Variants in GNG8 observed in about 807,000 individuals in gnomAD.
The protein encoded by GNG8 is guanine nucleotide-binding protein G(I)/G(S)/G(O) subunit gamma-8.
GNG8 carries 3 observed loss-of-function variants against 4.6 expected under a neutral mutation model. The ratio of observed to expected loss-of-function variants is 0.65; its 90% CI spans 0.29 to 1.67. GNG8 has a LOEUF of 1.67. GNG8 is among the 40% of genes most tolerant of loss of function. GNG8 has a pLI of 0.10. For missense variants in GNG8, 88 were observed against 95.2 expected (o/e 0.92, Z 0.32); for synonymous variants, 32 against 40.5 (o/e 0.79, Z 0.80).
At chr19:46,638,339 G>A (rs1419585665), upstream of GNG8, 1 of 152,934 alleles carries the variant, frequency 6.5e-6, no homozygotes, top group Non-Finnish European at 1.5e-5. The surrounding 1 kb of genome is among the most constrained non-coding windows in gnomAD (Gnocchi z 4.7). Context: ...GTCTCTCCTT[G>A]TCGCACATAA....
chr19:46,636,376 C>T (rs974592387), upstream of GNG8, among the ~76,000 whole-genome samples: 1 of 152,154 alleles, frequency 6.6e-6, no homozygotes, highest in East Asian at 1.9e-4. Context: ...CCGCTGCTGT[C>T]CTATTGTGTG....
intron 1 of GNG8, among the ~76,000 whole-genome samples, chr19:46,634,955 C>T (rs1486033236): frequency 6.6e-6 from 1 of 151,678 alleles, no homozygotes; most frequent in Non-Finnish European, 1.5e-5. Flanking sequence ...GAAGGAGGGG[C>T]GCACAGATGG....
At chr19:46,635,392 A>T (rs1399507561) in intron 1 of GNG8, among the ~76,000 whole-genome samples, 1 of 144,800 alleles carries the variant, frequency 6.9e-6, no homozygotes, top group Non-Finnish European at 1.5e-5. Flanking sequence ...AGAGAGAGGG[A>T]GAGACTGGGG....
At chr19:46,634,392 T>G (rs1205076004) in intron 2 of GNG8, among the ~76,000 whole-genome samples, 188 bp from the exon 3 acceptor site, 1 of 50,690 alleles carries the variant, frequency 2.0e-5, no homozygotes, top group African/African-American at 7.6e-5. Context: ...TCCTGGCCCC[T>G]CCCCTGCCCC....
rs201179851 is a variant in GNG8 at position 46,634,218 on chromosome 19, G to A, written c.85-14C>T. 2.2e-5 allele frequency: 35 copies of A among 1,597,048 alleles called. No homozygotes were observed. The highest frequency in any genetic ancestry group is 3.0e-5 in the Non-Finnish European group (35 of 1,172,146). ...TGCCTGCGACACCTGCGAGCACCCG[G>A]GTGGAGATGTCACCGCCCTGCCCGG... is the stretch of plus-strand genomic sequence containing the variant. On this transcript the variant is annotated splice_polypyrimidine_tract_variant and intron_variant, in intron 2 of 2. Coordinates refer to ENST00000693335, the MANE Select transcript of GNG8 (RefSeq NM_033258.2).
rs2052845368 is a variant in GNG8, at chr19:46,634,090, A to C, written c.199T>G (p.Cys67Gly). 4 of 1,613,660 alleles carry C rather than the reference A, an allele frequency of 2.5e-6. No individual in the cohort carries two copies. Among genetic ancestry groups the C allele is most frequent in the Non-Finnish European group, 3.4e-6 (4 of 1,179,884 alleles). ...GTCCGGAGGGCTCAGAGCAGAACAC[A>C]AAAGAGGCGCTTGTCGCGGAAGGGG... ...ENPFRDKRLF[C>G]VLL is the part of the protein sequence containing the mutation. Residue 67 changes from cysteine to glycine, a missense_variant, in exon 3 of 3, where the codon TGT becomes GGT. Physicochemically the swap from Cys to Gly is radical, Grantham distance 159. Coordinates refer to ENST00000693335, the MANE Select transcript of GNG8 (RefSeq NM_033258.2).
At chr19:46,635,473 G>A (rs574750174) in intron 1 of GNG8, among the ~76,000 whole-genome samples, 1 of 116,284 alleles carries the variant, frequency 8.6e-6, no homozygotes, top group South Asian at 3.2e-4. Flanking sequence ...GGTGATACAA[G>A]GCGACAGGCA....
At position 46,634,146 on chromosome 19, in the gene GNG8, G is replaced by A; in HGVS notation, c.143C>T (p.Pro48Leu). 1 of 1,613,654 alleles carries A rather than the reference G, an allele frequency of 6.2e-7. No individual in the cohort carries two copies. The highest frequency in any genetic ancestry group is 1.1e-5 in the South Asian group (1 of 91,074). Residue 48 changes from proline (P) to leucine (L), a missense_variant, in exon 3 of 3, where the codon CCG (proline) becomes CTG (leucine). By Grantham distance (98) the Pro-to-Leu change is moderately conservative (BLOSUM62 -3). Transcript: ENST00000693335. ...CGCGGCGGGTACTGGCGTCACCAGC[G>A]GGTCATCTTTGGCATGCGTCTCGCA... ...AFCETHAKDD[P>L]LVTPVPAAEN...
At chr19:46,634,298 C>G (rs1187430450) in intron 2 of GNG8, 94 bp from the exon 3 acceptor site, 3 of 1,416,458 alleles carry the variant, frequency 2.1e-6, no homozygotes, top group Middle Eastern at 2.5e-4. Context: ...CTCCTCCCAC[C>G]TTGCCCCGCC....
upstream of GNG8, chr19:46,638,731 C>G (rs2052883768): frequency 6.6e-6 from 1 of 152,458 alleles, no homozygotes; most frequent in Admixed American, 6.5e-5. The surrounding 1 kb of genome is among the most constrained non-coding windows in gnomAD (Gnocchi z 4.7). Context: ...CACATGAGGG[C>G]GCGCGCAGCA....
At chr19:46,638,375 ACT>A (rs1225809490), upstream of GNG8, 1 of 152,676 alleles carries the variant, frequency 6.5e-6, no homozygotes, top group Non-Finnish European at 1.5e-5. The surrounding 1 kb of genome is among the most constrained non-coding windows in gnomAD (Gnocchi z 4.7). Flanking sequence ...TCACACACAG[ACT>A]CCCAGCACCA....
chr19:46,634,524 C>G (rs1767869895), intron 2 of GNG8, 75 bp downstream of exon 2: 7 of 1,379,342 alleles, frequency 5.1e-6, no homozygotes, highest in Non-Finnish European at 7.1e-6. Context: ...ACTATGGCTC[C>G]GAGCCGGGCC....
At chr19:46,634,905 C>T (rs2052855234) in intron 1 of GNG8, among the ~76,000 whole-genome samples, 180 bp from the exon 2 acceptor site, 2 of 151,088 alleles carry the variant, frequency 1.3e-5, no homozygotes, top group African/African-American at 4.9e-5. Context: ...ATGGAGGTAG[C>T]TAAGGCAGGT....
Position 46,634,729 on chromosome 19 carries a change from T to C in GNG8, c.-43-4A>G. 1 of 1,503,534 alleles carries C rather than the reference T, an allele frequency of 6.7e-7. No homozygotes were observed. The highest frequency in any genetic ancestry group is 1.4e-5 in the African/African-American group (1 of 71,394). The allele number at this position is 1,503,534 out of a possible 1,614,324, so 93.1% of individuals were successfully genotyped here. ...AAAAGACGCGCGGGAGTGGGGGCTGTGGGGGTAGGTTAGGATACGTCTGGG... is the reference window on the plus strand; with the variant it reads ...AAAAGACGCGCGGGAGTGGGGGCTGCGGGGGTAGGTTAGGATACGTCTGGG... On this transcript the variant is annotated splice_region_variant and splice_polypyrimidine_tract_variant and intron_variant, in intron 1 of 2. Transcript: ENST00000693335.
chr19:46,634,727 T>G lies in GNG8; in HGVS notation c.-43-2A>C. ...TTAAAAGACGCGCGGGAGTGGGGGCTGTGGGGGTAGGTTAGGATACGTCTG... is the reference window on the plus strand; with the variant it reads ...TTAAAAGACGCGCGGGAGTGGGGGCGGTGGGGGTAGGTTAGGATACGTCTG... On this transcript the variant is annotated splice_acceptor_variant, in intron 1 of 2. Transcript: ENST00000693335. LOFTEE classifies it low-confidence loss of function (5UTR_SPLICE). 6.6e-7 allele frequency: 1 copy of G among 1,522,066 alleles called. No homozygotes were observed. The highest frequency in any genetic ancestry group is 1.7e-5 in the Admixed American group (1 of 59,078). The allele number at this position is 1,522,066 out of a possible 1,614,324, so 94.3% of individuals were successfully genotyped here.
upstream of GNG8, chr19:46,638,790 A>C (rs564353599): frequency 6.5e-6 from 1 of 152,840 alleles, no homozygotes; most frequent in East Asian, 1.9e-4. The surrounding 1 kb of genome is among the most constrained non-coding windows in gnomAD (Gnocchi z 4.7). Flanking sequence ...GGAGGTGGCC[A>C]CAGGGAGGAG....
chr19:46,638,280 TCA>T (rs201665124), upstream of GNG8: 3 of 152,832 alleles, frequency 2.0e-5, no homozygotes, highest in Non-Finnish European at 2.9e-5. The surrounding 1 kb of genome is among the most constrained non-coding windows in gnomAD (Gnocchi z 4.7). Context: ...AATCTCAGTG[TCA>T]CACACAGTCA....
chr19:46,634,554 C>G (rs1394489338), intron 2 of GNG8, 45 bp downstream of exon 2: 1 of 1,545,810 alleles, frequency 6.5e-7, no homozygotes, highest in Middle Eastern at 1.9e-4. Context: ...CCGGACAGAC[C>G]GCAGGCCCAG....
chr19:46,635,199 C>T (rs1019446110), intron 1 of GNG8, among the ~76,000 whole-genome samples: 1 of 151,892 alleles, frequency 6.6e-6, no homozygotes, highest in South Asian at 2.1e-4. Context: ...CACCCTAGCC[C>T]TGGTCACCTC....
Sources: gnomAD v4.1 joint callset for allele counts (sites outside exome capture counted in the v4.1 genomes callset) on GRCh38, gnomAD v4.1.1 for gene constraint, Gnocchi (gnomAD v3.1) non-coding constraint, MANE v1.5 for transcripts, NCBI Gene and HGNC (gene_info 2026-07-23, HGNC 2026-07-21) for gene names.